The following NRXN1 variants were observed in gnomAD, a reference collection of about 807,000 sequenced individuals.
NRXN1 encodes neurexin 1.
A neutral mutation model predicts 150.9 loss-of-function variants in NRXN1; 39 were observed. The ratio of observed to expected loss-of-function variants is 0.26; its 90% CI spans 0.20 to 0.34. The LOEUF (loss-of-function observed/expected upper bound fraction) is 0.34, where lower values mean the gene tolerates loss of function less well. NRXN1 is among the 10% of genes least tolerant of loss of function. NRXN1 has a pLI of 1.00. For synonymous variants in NRXN1, 924 were observed against 757.0 expected (o/e 1.22, Z -3.62); for missense variants, 1,815 against 1,949.9 (o/e 0.93, Z 1.30).
rs370774475 is a variant in NRXN1 at position 49,981,546 on chromosome 2, C to G, written c.4129-37755G>C. 5.9e-5 allele frequency among the ~76,000 whole-genome samples: 9 copies of G among 152,172 alleles called. No homozygotes were observed. In the East Asian group the frequency reaches 9.7e-4, roughly 16 times the overall value. On this transcript the variant is annotated intron_variant, in intron 21 of 22. Transcript: ENST00000401669. Reference sequence around the variant, plus strand: ...ATCAAGTGTAAATCCTCTTCCCCCCCACTTTTCCCGCTCTTGATAATGACC... The same window carrying G: ...ATCAAGTGTAAATCCTCTTCCCCCCGACTTTTCCCGCTCTTGATAATGACC...
intron 17 of NRXN1, among the ~76,000 whole-genome samples, chr2:50,248,170 T>A (rs1009885859): frequency 6.6e-6 from 1 of 151,966 alleles, no homozygotes; most frequent in Non-Finnish European, 1.5e-5. Flanking sequence ...ATGGCCACCA[T>A]ACTTGGCGAA....
At chr2:50,453,273 G>A (rs180891732) in intron 17 of NRXN1, among the ~76,000 whole-genome samples, 2 of 152,200 alleles carry the variant, frequency 1.3e-5, no homozygotes, top group Admixed American at 6.5e-5. Flanking sequence ...CAGAGTTCCC[G>A]GTTCAGGAGG....
At chr2:50,639,403 T>C (rs986501017) in intron 5 of NRXN1, among the ~76,000 whole-genome samples, 7 of 151,818 alleles carry the variant, frequency 4.6e-5, no homozygotes, top group Non-Finnish European at 7.4e-5. Context: ...GTATTTTCAG[T>C]AGAGACAGGG....
intron 18 of NRXN1, among the ~76,000 whole-genome samples, chr2:50,149,043 G>A (rs2058541393): frequency 6.6e-6 from 1 of 151,740 alleles, no homozygotes; most frequent in Admixed American, 6.6e-5. Flanking sequence ...ATAAAGTAGT[G>A]AAAATAGAGG....
intron 5 of NRXN1, among the ~76,000 whole-genome samples, chr2:50,788,930 T>G (rs532503631): frequency 7.9e-5 from 12 of 152,222 alleles, no homozygotes; most frequent in African/African-American, 2.9e-4. Context: ...CTCGTGTAAC[T>G]CCTTGATGGA....
chr2:50,601,907 G>A (rs749410820), intron 8 of NRXN1, among the ~76,000 whole-genome samples: 10 of 152,132 alleles, frequency 6.6e-5, no homozygotes, highest in African/African-American at 1.4e-4. Context: ...GAACTGTCAC[G>A]TATTTGATCT....
At chr2:50,020,185 A>G (rs1339503981) in intron 21 of NRXN1, among the ~76,000 whole-genome samples, 1 of 152,128 alleles carries the variant, frequency 6.6e-6, no homozygotes, top group African/African-American at 2.4e-5. Flanking sequence ...ATTTATAAAC[A>G]GCAGAAGAAC....
intron 2 of NRXN1, among the ~76,000 whole-genome samples, chr2:50,966,874 A>G (rs1451569482): frequency 1.3e-5 from 2 of 152,066 alleles, no homozygotes; most frequent in South Asian, 4.1e-4. Context: ...AGATATTTTG[A>G]TTTAACAAGA....
intron 17 of NRXN1, among the ~76,000 whole-genome samples, chr2:50,269,859 G>T (rs368752941): frequency 6.6e-6 from 1 of 152,106 alleles, no homozygotes; most frequent in Non-Finnish European, 1.5e-5. Context: ...GAAAAGACTC[G>T]TTCCTTAAAT....
intron 21 of NRXN1, among the ~76,000 whole-genome samples, chr2:50,013,417 G>T (rs1686039092): frequency 6.6e-6 from 1 of 151,842 alleles, no homozygotes; most frequent in Non-Finnish European, 1.5e-5. Flanking sequence ...AATCTTAATT[G>T]ACCTCTTGAA....
chr2:50,220,371 G>C (rs1187066338), intron 18 of NRXN1, among the ~76,000 whole-genome samples: 2 of 151,898 alleles, frequency 1.3e-5, no homozygotes, highest in African/African-American at 2.4e-5. Context: ...TCTTAAAACA[G>C]ATCCTAGTTG....
rs2303298 is a variant in NRXN1, at chr2:50,623,548, G to A, written c.900C>T (p.Pro300=). 19,123 of 1,613,166 alleles carry A rather than the reference G, an allele frequency of 0.012. 931 individuals carry two copies. The East Asian group carries it at 0.16, about 13-fold the overall frequency. Residue 300 remains proline (P), a synonymous_variant, in exon 6 of 23, where the codon CCC becomes CCT. Coordinates refer to ENST00000401669, the MANE Select transcript of NRXN1 (RefSeq NM_001330078.2). The stretch of plus-strand genomic sequence containing the variant: ...TTATTTCATCACTGCTGCTTTGAAT[G>A]GGGTTTTGAGACAAGTCGTAGCAGA... The part of the protein sequence containing the change: ...EYFCYDLSQN[P]IQSSSDEITL...
At chr2:50,605,882 A>G (rs1677026585) in intron 8 of NRXN1, among the ~76,000 whole-genome samples, 1 of 152,218 alleles carries the variant, frequency 6.6e-6, no homozygotes, top group African/African-American at 2.4e-5. Context: ...AGCCAGGATG[A>G]GCACACAACC....
At chr2:50,669,343 G>A (rs1354395089) in intron 5 of NRXN1, among the ~76,000 whole-genome samples, 2 of 151,858 alleles carry the variant, frequency 1.3e-5, no homozygotes, top group Middle Eastern at 3.2e-3. Context: ...GTCCCAGAGA[G>A]GTTTTGGAGT....
rs267606922 is a variant in NRXN1, at chr2:50,496,039, G to C, written c.2936C>G (p.Ser979Ter). The C allele has an allele frequency of 6.2e-7, 1 of 1,612,788 alleles. No individual in the cohort carries two copies. The highest frequency in any genetic ancestry group is 8.5e-7 in the Non-Finnish European group (1 of 1,179,300). ...CTGATTGTCATTGAGAGGTTTATTT[G>C]AGCTTCCTTTGATGAGGTTAGCACC... ...GNGANLIKGS[S>*]NKPLNDNQWH... The change falls in exon 15 of 23, where the codon TCA becomes TGA. Residue 979 changes from serine to a stop codon, truncating the protein, a stop_gained. Coordinates refer to ENST00000401669, the MANE Select transcript of NRXN1 (RefSeq NM_001330078.2). LOFTEE classifies it high-confidence loss of function.
intron 2 of NRXN1, among the ~76,000 whole-genome samples, chr2:51,025,517 C>T (rs1282844965): frequency 1.3e-5 from 2 of 152,116 alleles, no homozygotes; most frequent in East Asian, 1.9e-4. Flanking sequence ...TACAAGCTGT[C>T]ATTGTGTCAT....
At chr2:51,005,314 C>T (rs1302924186) in intron 2 of NRXN1, among the ~76,000 whole-genome samples, 2 of 151,848 alleles carry the variant, frequency 1.3e-5, no homozygotes, top group Non-Finnish European at 2.9e-5. Flanking sequence ...ATAATAATTG[C>T]AAATACTTAT....
intron 5 of NRXN1, among the ~76,000 whole-genome samples, chr2:50,767,121 T>C (rs1462685345): frequency 6.6e-6 from 1 of 152,064 alleles, no homozygotes; most frequent in African/African-American, 2.4e-5. Flanking sequence ...TGCTTAGGTC[T>C]TGCTTAGTCA....
In NRXN1 at chr2:51,028,602, C is replaced by A. The variant is rs987082676; in HGVS notation, c.-329G>T. On this transcript the variant is annotated 5_prime_UTR_variant, in exon 2 of 23. Coordinates refer to ENST00000401669, the MANE Select transcript of NRXN1 (RefSeq NM_001330078.2). Reference sequence around the variant, plus strand: ...ACAAAAGATCAAGGGAAAGCACTGACCCATTTGAGTCTGATTAACTAATTT... The same window carrying A: ...ACAAAAGATCAAGGGAAAGCACTGAACCATTTGAGTCTGATTAACTAATTT... 5.2e-5 allele frequency: 15 copies of A among 287,034 alleles called. No homozygotes were observed. Among genetic ancestry groups the A allele is most frequent in the Non-Finnish European group, 7.1e-5 (11 of 155,596 alleles). The allele number at this position is 287,034 out of a possible 1,614,324, so 17.8% of individuals were successfully genotyped here. A position where few individuals can be genotyped will look rare whatever the true frequency, so the allele number is the denominator to read the frequency against.
Sources: allele counts gnomAD v4.1 joint callset (sites outside exome capture counted in the v4.1 genomes callset), GRCh38; gene constraint gnomAD v4.1.1; transcripts MANE v1.5; gene names NCBI Gene and HGNC (gene_info 2026-07-23, HGNC 2026-07-21).